The following CCDC102B variants were observed in gnomAD, a reference collection of about 807,000 sequenced individuals.
CCDC102B encodes the protein coiled-coil domain containing 102B.
Under a neutral mutation model 57.4 loss-of-function variants are expected in CCDC102B, and 75 were observed. The ratio of observed to expected loss-of-function variants is 1.31; its 90% CI spans 1.08 to 1.58. CCDC102B has a LOEUF of 1.58. Ranked by LOEUF, CCDC102B falls within the 40% of genes most tolerant of loss-of-function variation. The pLI is 0.00. For synonymous variants in CCDC102B, 206 were observed against 201.9 expected, an observed-to-expected ratio of 1.02 and a Z score of -0.17; for missense variants, 636 against 582.6, an observed-to-expected ratio of 1.09 and a Z score of -0.94.
chr18:69,050,706 TAG>T (rs2052682859), intron 7 of CCDC102B, among the ~76,000 whole-genome samples: 1 of 152,292 alleles, frequency 6.6e-6, no homozygotes, highest in East Asian at 1.9e-4. Flanking sequence ...AACTTGCTCT[TAG>T]ACACACATGG....
intron 6 of CCDC102B, among the ~76,000 whole-genome samples, chr18:68,960,344 G>GCCTTAGGGCTCTA (rs143833714): frequency 1.3e-4 from 19 of 151,952 alleles, no homozygotes; most frequent in African/African-American, 4.6e-4. Flanking sequence ...TGTATTGGGG[G>GCCTTAGGGCTCTA]CCTGATGCCC....
intron 6 of CCDC102B, among the ~76,000 whole-genome samples, chr18:68,930,853 G>C (rs2041648491): frequency 2.6e-5 from 4 of 151,810 alleles, no homozygotes; most frequent in Admixed American, 2.6e-4. Flanking sequence ...ACAGGAATAA[G>C]GTGCAATGTC....
chr18:69,034,073 T>C (rs918864757), intron 7 of CCDC102B, among the ~76,000 whole-genome samples: 1 of 152,032 alleles, frequency 6.6e-6, no homozygotes, highest in African/African-American at 2.4e-5. Context: ...GTGGTTTTTT[T>C]AATTACTATT....
downstream of CCDC102B, among the ~76,000 whole-genome samples, chr18:69,056,406 A>G (rs1009332589): frequency 6.6e-6 from 1 of 151,994 alleles, no homozygotes; most frequent in African/African-American, 2.4e-5. Context: ...GCTGTATGTG[A>G]TATTGGCTGG....
chr18:68,919,455 G>A (rs1301924403), intron 6 of CCDC102B, among the ~76,000 whole-genome samples: 1 of 152,068 alleles, frequency 6.6e-6, no homozygotes, highest in East Asian at 1.9e-4. Flanking sequence ...ATCAATGCCA[G>A]CAGGTTATTT....
At chr18:68,925,236 A>G (rs959336761) in intron 6 of CCDC102B, among the ~76,000 whole-genome samples, 16 of 152,196 alleles carry the variant, frequency 1.1e-4, no homozygotes, top group Admixed American at 9.8e-4. Context: ...ACCTAGCTTC[A>G]TATTAGTATC....
At chr18:68,740,185 C>G (rs1364584784) in intron 2 of CCDC102B, among the ~76,000 whole-genome samples, 2 of 152,096 alleles carry the variant, frequency 1.3e-5, no homozygotes, top group African/African-American at 4.8e-5. Flanking sequence ...TTGAGACAAC[C>G]AAAAATGTCT....
intron 6 of CCDC102B, among the ~76,000 whole-genome samples, chr18:68,994,125 C>T (rs1482335105): frequency 6.6e-6 from 1 of 151,858 alleles, no homozygotes; most frequent in African/African-American, 2.4e-5. Context: ...TTATTTAACT[C>T]ATATAAATTT....
chr18:68,787,087 A>C (rs2035242001), intron 2 of CCDC102B, among the ~76,000 whole-genome samples: 1 of 151,160 alleles, frequency 6.6e-6, no homozygotes, highest in Non-Finnish European at 1.5e-5. Flanking sequence ...TGAGATAATC[A>C]TGTGGTTTTT....
rs79890733 is a variant in CCDC102B, at chr18:68,910,923, G to A, written c.1263+13495G>A. 6.2e-3 allele frequency among the ~76,000 whole-genome samples: 915 copies of A among 147,392 alleles called. 11 individuals are homozygous for A. The highest frequency in any genetic ancestry group is 0.021 in the African/African-American group (845 of 40,014). On this transcript the variant is annotated intron_variant, in intron 6 of 7. Transcript: ENST00000360242. ...GGGAATGGCTGTTACTAAAAAGGGG[G>A]AAAAAAAAAAAACAGATGATGGTGA...
chr18:68,994,407 G>A (rs1332425060), intron 6 of CCDC102B, among the ~76,000 whole-genome samples: 1 of 151,914 alleles, frequency 6.6e-6, no homozygotes, highest in Non-Finnish European at 1.5e-5. Context: ...GGGGGTACAG[G>A]GACACACTCT....
At chr18:69,026,972 G>A (rs775579191) in intron 7 of CCDC102B, among the ~76,000 whole-genome samples, 11 of 152,172 alleles carry the variant, frequency 7.2e-5, no homozygotes, top group Non-Finnish European at 1.5e-4. Flanking sequence ...GGTAAAGTTG[G>A]AAAAATGACT....
chr18:68,950,967 A>G (rs1319007431), intron 6 of CCDC102B, among the ~76,000 whole-genome samples: 6 of 152,174 alleles, frequency 3.9e-5, no homozygotes, highest in African/African-American at 1.2e-4. Flanking sequence ...TCATAAAGTG[A>G]AGATTCTTGT....
At chr18:69,015,872 T>TG in intron 7 of CCDC102B, among the ~76,000 whole-genome samples, 1 of 152,206 alleles carries the variant, frequency 6.6e-6, no homozygotes, top group African/African-American at 2.4e-5. Flanking sequence ...TTTTTATTTT[T>TG]GAGATGGAGT....
chr18:68,728,185 A>C (rs796633409), intron 2 of CCDC102B, among the ~76,000 whole-genome samples: 2 of 152,178 alleles, frequency 1.3e-5, no homozygotes, highest in Non-Finnish European at 2.9e-5. Flanking sequence ...CTGAAGCTCA[A>C]ATTTCTTATA....
At chr18:69,056,643 A>AGATAGATGGATAGAT (rs1407192653), downstream of CCDC102B, among the ~76,000 whole-genome samples, 1 of 146,796 alleles carries the variant, frequency 6.8e-6, no homozygotes, top group Non-Finnish European at 1.5e-5. Flanking sequence ...GATAATAGAT[A>AGATAGATGGATAGAT]GATAGATAGA....
At chr18:69,053,915 C>T in intron 7 of CCDC102B, 115 bp from the exon 8 acceptor site, 1 of 773,046 alleles carries the variant, frequency 1.3e-6, no homozygotes. Flanking sequence ...AGAATACTTA[C>T]AATCTATTCT....
intron 6 of CCDC102B, chr18:68,897,840 A>G (rs2040298384): frequency 3.9e-6 from 1 of 254,774 alleles, no homozygotes; most frequent in African/African-American, 2.3e-5. Flanking sequence ...CTGCATAAAC[A>G]TTTAAATTTA....
chr18:68,769,649 A>G (rs1380337041), intron 2 of CCDC102B, among the ~76,000 whole-genome samples: 1 of 152,246 alleles, frequency 6.6e-6, no homozygotes, highest in Middle Eastern at 3.4e-3. Context: ...TGCAAAACTC[A>G]CTGGCAGCTA....
Sources: allele counts gnomAD v4.1 joint callset (sites outside exome capture counted in the v4.1 genomes callset), GRCh38; gene constraint gnomAD v4.1.1; transcripts MANE v1.5; gene names NCBI Gene and HGNC (gene_info 2026-07-23, HGNC 2026-07-21).